Variants in ATP10B observed in about 807,000 individuals in gnomAD.
ATP10B encodes the protein ATPase phospholipid transporting 10B (putative), also known as phospholipid-transporting ATPase VB.
A neutral mutation model predicts 141.2 loss-of-function variants in ATP10B; 122 were observed. The ratio of observed to expected loss-of-function variants is 0.86; its 90% CI spans 0.75 to 1.00. The LOEUF is 1.00. Ranked by LOEUF, ATP10B falls within the 50% of genes least tolerant of loss-of-function variation. The probability of loss-of-function intolerance (pLI) is 0.00; values close to 1 mark genes in which losing one functional copy is unlikely to be tolerated. For missense variants in ATP10B, 1,876 were observed against 1,825.3 expected (o/e 1.03, Z -0.51); for synonymous variants, 685 against 692.0 (o/e 0.99, Z 0.16).
At position 160,606,434 on chromosome 5, in the gene ATP10B, T is replaced by C. The variant is rs372314648; in HGVS notation, c.3160+331A>G. On this transcript the variant is annotated intron_variant, in intron 19 of 25. Transcript: ENST00000327245. ...AAAGTACTAAAGGGAAAATGATCTG[T>C]ATCCCAGAATTAAGATGATCTGAAT... Among the ~76,000 whole-genome samples, 22 of 152,336 alleles carry C rather than the reference T, an allele frequency of 1.4e-4. 2 individuals carry two copies. Among genetic ancestry groups the C allele is most frequent in the Admixed American group, 9.8e-4 (15 of 15,302 alleles).
the ATP10B span, among the ~76,000 whole-genome samples, chr5:160,895,443 A>G: frequency 6.6e-6 from 1 of 152,210 alleles, no homozygotes; most frequent in Non-Finnish European, 1.5e-5. Flanking sequence ...ACAAAGACAA[A>G]AAAAGACAAG....
chr5:160,908,658 T>C, the ATP10B span, among the ~76,000 whole-genome samples: 1 of 152,158 alleles, frequency 6.6e-6, no homozygotes, highest in African/African-American at 2.4e-5. Flanking sequence ...AACACAATGG[T>C]GATCTGAAAG....
chr5:160,678,424 C>T (rs576927534), intron 6 of ATP10B, among the ~76,000 whole-genome samples: 106 of 152,266 alleles, frequency 7.0e-4, no homozygotes, highest in African/African-American at 2.4e-3. Context: ...TTTGGGAGAC[C>T]GAAGTGGGAG....
chr5:160,565,362 TTG>T lies in ATP10B; in HGVS notation c.*89_*90del. 7.8e-7 allele frequency: 1 copy of T among 1,288,820 alleles called. No individual in the cohort carries two copies. Among genetic ancestry groups the T allele is most frequent in the Non-Finnish European group, 1.1e-6 (1 of 913,598 alleles). The allele number at this position is 1,288,820 out of a possible 1,614,324, so 79.8% of individuals were successfully genotyped here. Reference sequence around the variant, plus strand: ...TGAAGAAAAGAATAAGACTGGCACATTGTTTCCTCTATGAAGAAGAAGGGGTC... The same window carrying T: ...TGAAGAAAAGAATAAGACTGGCACATTTTCCTCTATGAAGAAGAAGGGGTC... On this transcript the variant is annotated 3_prime_UTR_variant, in exon 26 of 26. Coordinates refer to ENST00000327245, the MANE Select transcript of ATP10B (RefSeq NM_025153.3).
In ATP10B at chr5:160,852,099, C is replaced by CA. The variant is rs1319540532; in HGVS notation, c.-735dup. Reference sequence around the variant, plus strand: ...ATCTGATTATGTCAAGGCAAGGCCTCAAGCTAACACTCCCTCAGAAACTTA... The same window carrying CA: ...ATCTGATTATGTCAAGGCAAGGCCTCAAAGCTAACACTCCCTCAGAAACTTA... On this transcript the variant is annotated 5_prime_UTR_variant, in exon 1 of 26. Transcript: ENST00000327245. 6.6e-6 allele frequency: 1 copy of CA among 152,154 alleles called. No individual in the cohort carries two copies. Among genetic ancestry groups the CA allele is most frequent in the Admixed American group, 6.6e-5 (1 of 15,254 alleles). 9.4% of individuals were successfully genotyped at this position (152,154 alleles called of 1,614,324 possible). A position where few individuals can be genotyped will look rare whatever the true frequency, so the allele number is the denominator to read the frequency against.
intron 1 of ATP10B, among the ~76,000 whole-genome samples, chr5:160,844,066 T>C (rs1775973970): frequency 6.6e-6 from 1 of 152,276 alleles, no homozygotes; most frequent in East Asian, 1.9e-4. Flanking sequence ...TTAAGGGTTA[T>C]TTTGAGTAAA....
chr5:160,792,242 C>T (rs1221875120), intron 1 of ATP10B, among the ~76,000 whole-genome samples: 1 of 152,142 alleles, frequency 6.6e-6, no homozygotes, highest in Non-Finnish European at 1.5e-5. Flanking sequence ...CTTTTATTCA[C>T]AGTTGTATTT....
At chr5:160,897,142 ATGCCCTTTCTCAC>A in the ATP10B span, among the ~76,000 whole-genome samples, 12 of 152,226 alleles carry the variant, frequency 7.9e-5, no homozygotes, top group African/African-American at 2.9e-4. Context: ...CAAGATGATA[ATGCCCTTTCTCAC>A]CACTCCTATT....
At chr5:160,864,517 A>G in the ATP10B span, among the ~76,000 whole-genome samples, 1 of 151,918 alleles carries the variant, frequency 6.6e-6, no homozygotes, top group Non-Finnish European at 1.5e-5. Context: ...CTAGAACAAG[A>G]CAAGGATGCC....
intron 7 of ATP10B, among the ~76,000 whole-genome samples, chr5:160,649,637 A>C (rs1384746807): frequency 1.3e-5 from 2 of 152,198 alleles, no homozygotes; most frequent in Non-Finnish European, 2.9e-5. Flanking sequence ...TAGTTTGACT[A>C]AGGAATTGTT....
chr5:160,652,767 CATAA>C (rs1760862152), intron 7 of ATP10B, among the ~76,000 whole-genome samples: 1 of 107,050 alleles, frequency 9.3e-6, no homozygotes, highest in African/African-American at 3.8e-5. Context: ...ATATTATATA[CATAA>C]ATATAAATAT....
At chr5:160,569,226 G>T (rs1016867271) in intron 25 of ATP10B, among the ~76,000 whole-genome samples, 1 of 152,178 alleles carries the variant, frequency 6.6e-6, no homozygotes, top group Admixed American at 6.5e-5. Flanking sequence ...AGGCAGGAGG[G>T]TAGGAATTGA....
At chr5:160,595,970 G>A (rs1047232018) in intron 22 of ATP10B, among the ~76,000 whole-genome samples, 2 of 152,124 alleles carry the variant, frequency 1.3e-5, no homozygotes, top group African/African-American at 4.8e-5. Flanking sequence ...GGTACAAGAA[G>A]GAAGTGGTAC....
chr5:160,882,916 G>A, the ATP10B span, among the ~76,000 whole-genome samples: 1 of 151,942 alleles, frequency 6.6e-6, no homozygotes, highest in African/African-American at 2.4e-5. Flanking sequence ...TTGTAAGAAT[G>A]CAGAAGAAAA....
chr5:160,592,380 G>A (rs769285209), intron 22 of ATP10B, among the ~76,000 whole-genome samples: 8 of 152,136 alleles, frequency 5.3e-5, no homozygotes, highest in African/African-American at 9.7e-5. Flanking sequence ...CTTCCCCTTC[G>A]ACTAGGGCAG....
intron 6 of ATP10B, chr5:160,685,436 G>T (rs1763691274): frequency 2.5e-6 from 1 of 403,116 alleles, no homozygotes; most frequent in African/African-American, 2.1e-5. Flanking sequence ...GACTCCACCT[G>T]TTGGAATGTA....
At chr5:160,841,148 T>C (rs1410089014) in intron 1 of ATP10B, among the ~76,000 whole-genome samples, 1 of 152,170 alleles carries the variant, frequency 6.6e-6, no homozygotes, top group East Asian at 1.9e-4. Context: ...GTAATATCTG[T>C]AGGAAACTAC....
chr5:160,621,771 A>G (rs1013971252), intron 14 of ATP10B, among the ~76,000 whole-genome samples: 2 of 152,202 alleles, frequency 1.3e-5, no homozygotes, highest in Non-Finnish European at 2.9e-5. Flanking sequence ...TGGAAGATTG[A>G]AGGCAAATCC....
chr5:160,924,557 C>T, the ATP10B span, among the ~76,000 whole-genome samples: 2 of 152,134 alleles, frequency 1.3e-5, no homozygotes, highest in Admixed American at 6.6e-5. Flanking sequence ...ACTGCTTTAT[C>T]GGGGTCATGG....
Sources: allele counts gnomAD v4.1 joint callset (sites outside exome capture counted in the v4.1 genomes callset), GRCh38; gene constraint gnomAD v4.1.1; transcripts MANE v1.5; gene names NCBI Gene and HGNC (gene_info 2026-07-23, HGNC 2026-07-21).